GTF2A1L: variants seen among roughly 807,000 people sequenced by gnomAD.
The protein encoded by GTF2A1L is general transcription factor IIA subunit 1 like, also known as TFIIA-alpha and beta-like factor.
In GTF2A1L, 48 loss-of-function variants were observed where a neutral mutation model predicts 49.7. The observed-to-expected ratio is 0.97, with a 90% CI of 0.77 to 1.23. The LOEUF (loss-of-function observed/expected upper bound fraction) is 1.23. Among genes scored for constraint, GTF2A1L ranks in the 50% most tolerant of loss-of-function variants. The probability of loss-of-function intolerance (pLI) is 0.00; values close to 1 mark genes in which losing one functional copy is unlikely to be tolerated. For synonymous variants in GTF2A1L, 246 were observed against 193.5 expected (o/e 1.27, Z -2.25); for missense variants, 736 against 564.8 (o/e 1.30, Z -3.07).
At chr2:48,629,935 G>T (rs1676485145) in intron 3 of GTF2A1L, among the ~76,000 whole-genome samples, 1 of 143,452 alleles carries the variant, frequency 7.0e-6, no homozygotes, top group African/African-American at 2.5e-5. Flanking sequence ...GTAGGTGTGT[G>T]GCTTTATTTC....
chr2:48,629,326 A>T (rs1288662898), intron 3 of GTF2A1L, among the ~76,000 whole-genome samples: 1 of 144,192 alleles, frequency 6.9e-6, no homozygotes, highest in East Asian at 1.9e-4. Flanking sequence ...TTGAATTTTG[A>T]TGAGGGAAGG....
intron 3 of GTF2A1L, among the ~76,000 whole-genome samples, chr2:48,642,112 T>G (rs1163170460): frequency 6.6e-6 from 1 of 152,188 alleles, no homozygotes; most frequent in African/African-American, 2.4e-5. Context: ...TTACTTGACT[T>G]AATAAGGACA....
At chr2:48,669,417 T>A (rs1201926991) in intron 6 of GTF2A1L, among the ~76,000 whole-genome samples, 1 of 152,208 alleles carries the variant, frequency 6.6e-6, no homozygotes, top group African/African-American at 2.4e-5. Context: ...TAAATCCTAA[T>A]AGGTACTATA....
intron 3 of GTF2A1L, chr2:48,632,859 T>C: frequency 4.2e-6 from 1 of 237,206 alleles, no homozygotes; most frequent in Non-Finnish European, 8.3e-6. Flanking sequence ...GGTTAACATT[T>C]TTCCATTTCT....
chr2:48,623,446 A>G (rs1476998546), intron 3 of GTF2A1L, among the ~76,000 whole-genome samples: 1 of 152,202 alleles, frequency 6.6e-6, no homozygotes, highest in Non-Finnish European at 1.5e-5. Context: ...GAAGCTGCAG[A>G]AAAAAGGGAC....
At chr2:48,626,776 A>G (rs537632195) in intron 3 of GTF2A1L, among the ~76,000 whole-genome samples, 3 of 143,948 alleles carry the variant, frequency 2.1e-5, no homozygotes, top group Non-Finnish European at 4.7e-5. Context: ...GTTTCTCCAT[A>G]CTGCCCAGGC....
intron 6 of GTF2A1L, among the ~76,000 whole-genome samples, chr2:48,654,441 C>T (rs1165531608): frequency 3.3e-5 from 5 of 152,086 alleles, no homozygotes; most frequent in Non-Finnish European, 7.4e-5. Flanking sequence ...CTCTGTCGCC[C>T]AGGCTGGAGT....
rs142090835 is a variant in GTF2A1L at position 48,648,763 on chromosome 2, A to G, written c.978+1721A>G. On this transcript the variant is annotated intron_variant, in intron 6 of 8. Coordinates refer to ENST00000403751, the MANE Select transcript of GTF2A1L (RefSeq NM_006872.5). ...CTATGAGCTTGTAATATATTGGGTA[A>G]CTTTTCATGTAACTTGTTTGTTAGT... is the stretch of plus-strand genomic sequence containing the variant. 2.4e-4 allele frequency among the ~76,000 whole-genome samples: 36 copies of G among 152,194 alleles called. 1 individual carries two copies. The East Asian group carries it at 6.6e-3, about 28-fold the overall frequency.
chr2:48,675,872 A>G (rs1177979739), intron 8 of GTF2A1L, among the ~76,000 whole-genome samples: 1 of 151,678 alleles, frequency 6.6e-6, no homozygotes, highest in Non-Finnish European at 1.5e-5. Flanking sequence ...CTTTATATGT[A>G]TCTATATATC....
chr2:48,670,433 G>T (rs1174502368), intron 7 of GTF2A1L, among the ~76,000 whole-genome samples: 1 of 152,006 alleles, frequency 6.6e-6, no homozygotes, highest in Non-Finnish European at 1.5e-5. Context: ...ATCTTCAACT[G>T]TAATTTAAAA....
chr2:48,669,912 G>A lies in GTF2A1L; in HGVS notation c.1169G>A (p.Ser390Asn), dbSNP rs1165135190. 2.5e-6 allele frequency: 4 copies of A among 1,614,076 alleles called. No individual in the cohort carries two copies. The Admixed American group carries it at 6.7e-5, about 27-fold the overall frequency. Residue 390 changes from serine to asparagine, a missense_variant, in exon 7 of 9, where the codon AGT (serine) becomes AAT (asparagine). Ser to Asn is a conservative substitution (Grantham distance 46). Coordinates refer to ENST00000403751, the MANE Select transcript of GTF2A1L (RefSeq NM_006872.5). ...AAGGTACCTGAAGAAGAAGCTGACA[G>A]TATTTCAAATGAGGATTCAGCCACA... is the stretch of plus-strand genomic sequence containing the variant. ...DLKVPEEEADSISNEDSATNS... is the reference protein window; with the variant it reads ...DLKVPEEEADNISNEDSATNS...
chr2:48,672,210 A>T (rs757541413), intron 8 of GTF2A1L, among the ~76,000 whole-genome samples: 5 of 152,234 alleles, frequency 3.3e-5, no homozygotes, highest in Non-Finnish European at 7.3e-5. Context: ...TAAGCATCAG[A>T]TAGAATAGCC....
chr2:48,634,760 G>A (rs1432240740), intron 3 of GTF2A1L, among the ~76,000 whole-genome samples: 1 of 152,210 alleles, frequency 6.6e-6, no homozygotes. Flanking sequence ...CTGCTGAGAA[G>A]TCTGCTTTTA....
At chr2:48,645,151 A>G in intron 5 of GTF2A1L, 34 bp downstream of exon 5, 1 of 1,564,124 alleles carries the variant, frequency 6.4e-7, no homozygotes, top group Non-Finnish European at 8.6e-7. Flanking sequence ...TTTTGTTTTC[A>G]GCATTGGTAC....
intron 3 of GTF2A1L, among the ~76,000 whole-genome samples, chr2:48,641,155 C>T (rs570356436): frequency 8.5e-4 from 130 of 152,142 alleles, no homozygotes; most frequent in Non-Finnish European, 1.4e-3. Context: ...ATTTCCTCTC[C>T]GGCTATTACT....
chr2:48,634,801 G>C (rs1035273435), intron 3 of GTF2A1L, among the ~76,000 whole-genome samples: 3 of 152,178 alleles, frequency 2.0e-5, no homozygotes, highest in Admixed American at 6.5e-5. Flanking sequence ...TACAGGATCT[G>C]ACCTTTTTCT....
At chr2:48,617,993 CA>C in intron 1 of GTF2A1L, 98 bp downstream of exon 1, 1 of 1,238,460 alleles carries the variant, frequency 8.1e-7, no homozygotes, top group Non-Finnish European at 1.1e-6. Flanking sequence ...TGACACTTTA[CA>C]GATTGTCATA....
intron 3 of GTF2A1L, 105 bp from the exon 4 acceptor site, chr2:48,642,297 A>G: frequency 8.9e-7 from 1 of 1,127,376 alleles, no homozygotes; most frequent in African/African-American, 1.6e-5. Context: ...ACCATGGTTT[A>G]ACCTGTTAGT....
chr2:48,676,925 ATT>A lies in GTF2A1L; in HGVS notation c.1330-2400_1330-2399del, dbSNP rs71399076. Among the ~76,000 whole-genome samples the A allele has an allele frequency of 1.7e-4, 24 of 144,262 alleles. 1 individual carries two copies. Among genetic ancestry groups the A allele is most frequent in the Admixed American group, 1.5e-3 (21 of 14,436 alleles). The allele number at this position is 144,262 out of a possible 152,430, so 94.6% of individuals were successfully genotyped here. ...ATGTAACATATGGTTTCAACTTTTT[ATT>A]TTTTTTTTTCCAGGTGGCTACTCAA... On this transcript the variant is annotated intron_variant, in intron 8 of 8. Transcript: ENST00000403751.
Sources: gnomAD v4.1 joint callset for allele counts (sites outside exome capture counted in the v4.1 genomes callset) on GRCh38, gnomAD v4.1.1 for gene constraint, MANE v1.5 for transcripts, NCBI Gene and HGNC (gene_info 2026-07-23, HGNC 2026-07-21) for gene names.